MYL3: variants seen among roughly 807,000 people sequenced by gnomAD.
MYL3 encodes CMLC1.
Under a neutral mutation model 21.3 loss-of-function variants are expected in MYL3, and 11 were observed. The ratio of observed to expected loss-of-function variants is 0.52; its 90% CI spans 0.32 to 0.85. MYL3 has a LOEUF of 0.85. Ranked by LOEUF, MYL3 falls within the 40% of genes least tolerant of loss-of-function variation. MYL3 has a pLI of 0.03. For missense variants in MYL3, 206 were observed against 253.3 expected (o/e 0.81, Z 1.27); for synonymous variants, 88 against 91.6 (o/e 0.96, Z 0.22).
At chr3:46,863,179 C>T (rs1702009696) in intron 1 of MYL3, 83 bp downstream of exon 1, 2 of 1,594,922 alleles carry the variant, frequency 1.3e-6, no homozygotes, top group Non-Finnish European at 1.7e-6. Context: ...ACCTCCAGAG[C>T]CTGACCTGCC....
In MYL3 at chr3:46,859,783, T is replaced by A; in HGVS notation, c.308-135A>T. 1 of 1,060,220 alleles carries A rather than the reference T, an allele frequency of 9.4e-7. No homozygotes were observed. Among genetic ancestry groups the A allele is most frequent in the Non-Finnish European group, 1.4e-6 (1 of 692,746 alleles). 65.7% of individuals were successfully genotyped at this position (1,060,220 alleles called of 1,614,324 possible). On this transcript the variant is annotated intron_variant, in intron 3 of 6. Coordinates refer to ENST00000292327, the MANE Select transcript of MYL3 (RefSeq NM_000258.3). The surrounding 1 kb of genome is among the most constrained non-coding windows in gnomAD (Gnocchi z 4.1). ...GTCTACACCAGTTCTCACAGCAGTC[T>A]ACACCAGTTTGCCATTTAAAAGCAA... is the stretch of plus-strand genomic sequence containing the variant.
At chr3:46,867,353 C>CGTGG (rs1335048696), upstream of MYL3, among the ~76,000 whole-genome samples, 1 of 152,186 alleles carries the variant, frequency 6.6e-6, no homozygotes. Context: ...TCCAGATCAG[C>CGTGG]GTGGCCCTGT....
At chr3:46,858,203 G>A in intron 6 of MYL3, 28 bp downstream of exon 6, 1 of 1,613,302 alleles carries the variant, frequency 6.2e-7, no homozygotes, top group Non-Finnish European at 8.5e-7. Flanking sequence ...GGTGGCAGCA[G>A]CGGGTTCAGG....
At position 46,861,017 on chromosome 3, in the gene MYL3, C is replaced by T; in HGVS notation, c.130-30G>A. The T allele has an allele frequency of 2.5e-6, 4 of 1,613,850 alleles. No individual in the cohort carries two copies. Among genetic ancestry groups the T allele is most frequent in the Non-Finnish European group, 3.4e-6 (4 of 1,179,924 alleles). On this transcript the variant is annotated intron_variant, in intron 1 of 6. Transcript: ENST00000292327. The surrounding 1 kb of genome is among the most constrained non-coding windows in gnomAD (Gnocchi z 4.2). ...AAAGAGACCCCAAAGACTCAGATGC[C>T]CGGCTTAAAAGGTGGGGCCACACCT... is the stretch of plus-strand genomic sequence containing the variant.
At position 46,877,356 on chromosome 3, in the gene MYL3, T is replaced by C. The variant is rs1178081070; in HGVS notation, c.-218+4718A>G. On this transcript the variant is annotated intron_variant, in intron 1 of 3. Transcript: ENST00000431168. ...CCTTAAACTTGAGTGAAGTCACTAG[T>C]AGGGGCTGTGTTCATACCTCGTGGC... Among the ~76,000 whole-genome samples the C allele has an allele frequency of 2.0e-5, 3 of 152,078 alleles. No homozygotes were observed. The South Asian group carries it at 6.2e-4, about 32-fold the overall frequency.
upstream of MYL3, among the ~76,000 whole-genome samples, chr3:46,864,741 C>T (rs536384751): frequency 3.5e-4 from 53 of 152,176 alleles, no homozygotes; most frequent in Non-Finnish European, 2.1e-4. The surrounding 1 kb of genome is among the most constrained non-coding windows in gnomAD (Gnocchi z 4.7). Context: ...CCACTCAGTG[C>T]CCACCCCCAG....
At position 46,859,451 on chromosome 3, in the gene MYL3, G is replaced by A. The variant is rs1197804972; in HGVS notation, c.481+24C>T. 6.2e-7 allele frequency: 1 copy of A among 1,613,804 alleles called. No homozygotes were observed. Among genetic ancestry groups the A allele is most frequent in the East Asian group, 2.2e-5 (1 of 44,888 alleles). On this transcript the variant is annotated intron_variant, in intron 4 of 6. Coordinates refer to ENST00000292327, the MANE Select transcript of MYL3 (RefSeq NM_000258.3). The surrounding 1 kb of genome is among the most constrained non-coding windows in gnomAD (Gnocchi z 4.1). ...CCAGGATGTCCCTGGAAGGAGTTGG[G>A]GTAGGGGAGGAGGCTGCCCTCACCC...
intron 1 of MYL3, among the ~76,000 whole-genome samples, chr3:46,862,099 C>T (rs1701998858): frequency 1.3e-5 from 2 of 152,170 alleles, no homozygotes; most frequent in Admixed American, 1.3e-4. Context: ...GAAGAGGGCG[C>T]ATGAGGGGTC....
rs530202798 is a variant in MYL3, at chr3:46,863,052, G to T, written c.129+210C>A. ...TCCACCTTAGTTCTCAGCAGCACCA[G>T]AGGAGTCCTGCAGAACGTCTGACCA... is the stretch of plus-strand genomic sequence containing the variant. On this transcript the variant is annotated intron_variant, in intron 1 of 6. Transcript: ENST00000292327. Among the ~76,000 whole-genome samples, 11 of 152,344 alleles carry T rather than the reference G, an allele frequency of 7.2e-5. No individual in the cohort carries two copies. The South Asian group carries it at 2.3e-3, about 32-fold the overall frequency.
chr3:46,881,612 A>C (rs1396019269), intron 1 of MYL3, among the ~76,000 whole-genome samples: 2 of 151,220 alleles, frequency 1.3e-5, no homozygotes, highest in Non-Finnish European at 2.9e-5. Context: ...CTGGGCAGGG[A>C]GGGAGCGGGA....
In MYL3 at chr3:46,858,475, G is replaced by A. The variant is rs201780962; in HGVS notation, c.482-14C>T. The A allele has an allele frequency of 6.2e-7, 1 of 1,611,542 alleles. No individual in the cohort carries two copies. Among genetic ancestry groups the A allele is most frequent in the Non-Finnish European group, 8.5e-7 (1 of 1,179,950 alleles). ...TCAGCCTCTCACCTGGCAGGAGTGG[G>A]AGGCTGAGTCAGCACCGTGCGTGCA... On this transcript the variant is annotated splice_polypyrimidine_tract_variant and intron_variant, in intron 4 of 6. Transcript: ENST00000292327.
rs1307771787 is a variant in MYL3 at position 46,861,976 on chromosome 3, GTTGTCA to G, written c.130-995_130-990del. ...CTTGACCCAGTGTTGGGAAGAACAG[GTTGTCA>G]TTCCTGGCTCCCTGAGAGCTCTCTC... On this transcript the variant is annotated intron_variant, in intron 1 of 6. Transcript: ENST00000292327. The surrounding 1 kb of genome is among the most constrained non-coding windows in gnomAD (Gnocchi z 4.2). 1.3e-5 allele frequency among the ~76,000 whole-genome samples: 2 copies of G among 152,190 alleles called. No homozygotes were observed. Among genetic ancestry groups the G allele is most frequent in the African/African-American group, 2.4e-5 (1 of 41,442 alleles).
intron 1 of MYL3, among the ~76,000 whole-genome samples, chr3:46,871,613 G>A (rs1412756410): frequency 6.6e-6 from 1 of 152,112 alleles, no homozygotes; most frequent in Admixed American, 6.5e-5. Context: ...CTTGAGGGCT[G>A]TGGGGAGACC....
Position 46,863,385 on chromosome 3 carries a change from G to T in MYL3, c.6C>A (p.Ala2=), listed in dbSNP as rs971197044. 3 of 1,613,224 alleles carry T rather than the reference G, an allele frequency of 1.9e-6. No homozygotes were observed. Among genetic ancestry groups the T allele is most frequent in the Admixed American group, 3.3e-5 (2 of 60,014 alleles). The part of the protein sequence containing the change: M[A]PKKPEPKKDD... ...CCTTCTTGGGCTCTGGCTTTTTGGG[G>T]GCCATTGGGGGCTGTAAGTACAGAG... The change falls in exon 1 of 7, where the codon GCC becomes GCA. Residue 2 remains alanine (A), a synonymous_variant. Coordinates refer to ENST00000292327, the MANE Select transcript of MYL3 (RefSeq NM_000258.3).
chr3:46,873,511 A>G (rs2030022554), intron 1 of MYL3, among the ~76,000 whole-genome samples: 1 of 152,050 alleles, frequency 6.6e-6, no homozygotes, highest in Non-Finnish European at 1.5e-5. Flanking sequence ...ACCCCCAAGG[A>G]GCCCTGTGTG....
At chr3:46,869,841 C>T (rs993669920) in intron 1 of MYL3, among the ~76,000 whole-genome samples, 5 of 152,154 alleles carry the variant, frequency 3.3e-5, no homozygotes, top group African/African-American at 7.2e-5. Context: ...AAAAAAAACC[C>T]GTCAGTCAGA....
Position 46,859,773 on chromosome 3 carries a change from C to CAA in MYL3, c.308-126_308-125insTT. On this transcript the variant is annotated intron_variant, in intron 3 of 6. Coordinates refer to ENST00000292327, the MANE Select transcript of MYL3 (RefSeq NM_000258.3). This position sits in a 1 kb window ranked among gnomAD's most constrained non-coding sequence, Gnocchi z 4.1. Reference sequence around the variant, plus strand: ...TTCTACAACAGTCTACACCAGTTCTCACAGCAGTCTACACCAGTTTGCCAT... The same window carrying CAA: ...TTCTACAACAGTCTACACCAGTTCTCAAACAGCAGTCTACACCAGTTTGCCAT... 1 of 1,152,740 alleles carries CAA rather than the reference C, an allele frequency of 8.7e-7. No homozygotes were observed. Among genetic ancestry groups the CAA allele is most frequent in the South Asian group, 1.2e-5 (1 of 80,288 alleles). 71.4% of individuals were successfully genotyped at this position (1,152,740 alleles called of 1,614,324 possible). A position where few individuals can be genotyped will look rare whatever the true frequency, so the allele number is the denominator to read the frequency against.
rs1225179236 is a variant in MYL3 at position 46,861,446 on chromosome 3, G to A, written c.130-459C>T. Among the ~76,000 whole-genome samples the A allele has an allele frequency of 2.6e-5, 4 of 152,202 alleles. No homozygotes were observed. The highest frequency in any genetic ancestry group is 3.9e-4 in the East Asian group (2 of 5,190). On this transcript the variant is annotated intron_variant, in intron 1 of 6. Transcript: ENST00000292327. The surrounding 1 kb of genome is among the most constrained non-coding windows in gnomAD (Gnocchi z 4.2). ...AGGAGTAAGGGCAATGGTACAGGCC[G>A]AGGGCTGGTGGCTGGAAGCATCGAG...
At chr3:46,875,865 G>A (rs1006103251) in intron 1 of MYL3, among the ~76,000 whole-genome samples, 9 of 152,218 alleles carry the variant, frequency 5.9e-5, no homozygotes, top group African/African-American at 1.9e-4. Context: ...GAGCTCGGAG[G>A]GGGCCGGGCC....
Sources: allele counts gnomAD v4.1 joint callset (sites outside exome capture counted in the v4.1 genomes callset), GRCh38; gene constraint gnomAD v4.1.1; non-coding constraint Gnocchi (gnomAD v3.1); transcripts MANE v1.5; gene names NCBI Gene and HGNC (gene_info 2026-07-23, HGNC 2026-07-21).